PCDHB6: variants seen among roughly 807,000 people sequenced by gnomAD.
PCDHB6 encodes protocadherin beta-6.
For missense variants in PCDHB6, 1,137 were observed against 1,010.1 expected, an observed-to-expected ratio of 1.13 and a Z score of -1.70; for synonymous variants, 506 against 459.0, an observed-to-expected ratio of 1.10 and a Z score of -1.31.
rs1752861212 is a variant in PCDHB6, at chr5:141,151,474, C to A, written c.1217C>A (p.Ala406Glu). ...ENFYTLVTEG[A>E]LDRESRAEYN... ...TTCTACACCCTGGTAACAGAAGGCG[C>A]GCTGGACAGAGAGAGCAGAGCCGAG... Residue 406 changes from alanine (A) to glutamate (E), a missense_variant, in exon 1 of 1, where the codon GCG (alanine) becomes GAG (glutamate). Ala to Glu is a moderately radical substitution (Grantham distance 107). Transcript: ENST00000231136. 1 of 1,614,192 alleles carries A rather than the reference C, an allele frequency of 6.2e-7. No individual in the cohort carries two copies. Among genetic ancestry groups the A allele is most frequent in the Non-Finnish European group, 8.5e-7 (1 of 1,180,034 alleles).
Position 141,150,742 on chromosome 5 carries a change from G to C in PCDHB6, c.485G>C (p.Gly162Ala). 6.2e-7 allele frequency: 1 copy of C among 1,614,144 alleles called. No individual in the cohort carries two copies. Among genetic ancestry groups the C allele is most frequent in the Non-Finnish European group, 8.5e-7 (1 of 1,180,022 alleles). The part of the protein sequence containing the change: ...PLKMAHDLDT[G>A]SNGLQRYTIS... Reference sequence around the variant, plus strand: ...AAAATGGCACACGATTTAGACACCGGCAGCAACGGCCTTCAGAGGTACACA... The same window carrying C: ...AAAATGGCACACGATTTAGACACCGCCAGCAACGGCCTTCAGAGGTACACA... The change falls in exon 1 of 1, where the codon GGC (glycine) becomes GCC (alanine). Residue 162 changes from glycine to alanine, a missense_variant. Physicochemically the swap from Gly to Ala is moderately conservative, Grantham distance 60. Transcript: ENST00000231136.
Position 141,152,160 on chromosome 5 carries a change from AAGCAC to A in PCDHB6, c.1906_1910del (p.His636AlafsTer36). 6.2e-7 allele frequency: 1 copy of A among 1,608,334 alleles called. No homozygotes were observed. The highest frequency in any genetic ancestry group is 8.5e-7 in the Non-Finnish European group (1 of 1,179,712). ...GCTGCTGAGCGAGCGAGACGCAGCC[AAGCAC>A]AGGCTGGTGGTGCTTGTCAAGGACA... On this transcript the variant is annotated frameshift_variant, in exon 1 of 1. Transcript: ENST00000231136. LOFTEE classifies it low-confidence loss of function (END_TRUNC).
Position 141,150,459 on chromosome 5 carries a change from A to G in PCDHB6, c.202A>G (p.Lys68Glu). 2 of 1,614,154 alleles carry G rather than the reference A, an allele frequency of 1.2e-6. No individual in the cohort carries two copies. The highest frequency in any genetic ancestry group is 1.7e-6 in the Non-Finnish European group (2 of 1,180,034). ...TTCGCGGGGCGCTCGGGTTGTTTTC[A>G]AAGGGAACAGACAACATTTGCAGTT... ...LASRGARVVF[K>E]GNRQHLQFDP... Residue 68 changes from lysine (K) to glutamate (E), a missense_variant, in exon 1 of 1, where the codon AAA becomes GAA. Lys to Glu is a moderately conservative substitution (Grantham distance 56). Coordinates refer to ENST00000231136, the MANE Select transcript of PCDHB6 (RefSeq NM_018939.4).
In PCDHB6 at chr5:141,151,497, G is replaced by A. The variant is rs1417569357; in HGVS notation, c.1240G>A (p.Glu414Lys). Residue 414 changes from glutamate to lysine, a missense_variant, in exon 1 of 1, where the codon GAG becomes AAG. Glu to Lys is a moderately conservative substitution (Grantham distance 56). Coordinates refer to ENST00000231136, the MANE Select transcript of PCDHB6 (RefSeq NM_018939.4). Reference protein sequence around the residue: ...EGALDRESRAEYNITITVTDL... With the variant: ...EGALDRESRAKYNITITVTDL... ...CGCGCTGGACAGAGAGAGCAGAGCC[G>A]AGTACAACATCACTATCACGGTCAC... 6.2e-7 allele frequency: 1 copy of A among 1,614,060 alleles called. No homozygotes were observed. Among genetic ancestry groups the A allele is most frequent in the East Asian group, 2.2e-5 (1 of 44,892 alleles).
rs1563894888 is a variant in PCDHB6, at chr5:141,152,607, AC to A, written c.2355del (p.Thr786ProfsTer28). 6.2e-7 allele frequency: 1 copy of A among 1,607,518 alleles called. No homozygotes were observed. The highest frequency in any genetic ancestry group is 1.7e-5 in the Admixed American group (1 of 59,492). On this transcript the variant is annotated frameshift_variant, in exon 1 of 1. Transcript: ENST00000231136. LOFTEE classifies it low-confidence loss of function (END_TRUNC). ...GGGCACTGAGAGAGAAATGGAAGAAACCCCCACCTCTCGGAATAGCTTCCCG... is the reference window on the plus strand; with the variant it reads ...GGGCACTGAGAGAGAAATGGAAGAAACCCCACCTCTCGGAATAGCTTCCCG... ...PQGTEREMEE[T>X]PTSRNSFPFS
Position 141,151,861 on chromosome 5 carries a change from G to T in PCDHB6, c.1604G>T (p.Gly535Val). Residue 535 changes from glycine to valine, a missense_variant, in exon 1 of 1, where the codon GGC becomes GTC. Transcript: ENST00000231136. ...TTCCGCGTGGGCGCCACAGACCGCGGCTCCCCGGCGTTGAGCAGCGAGGCG... is the reference window on the plus strand; with the variant it reads ...TTCCGCGTGGGCGCCACAGACCGCGTCTCCCCGGCGTTGAGCAGCGAGGCG... ...FEFRVGATDR[G>V]SPALSSEALV... 6.2e-7 allele frequency: 1 copy of T among 1,612,292 alleles called. No homozygotes were observed. The highest frequency in any genetic ancestry group is 1.1e-5 in the South Asian group (1 of 90,992).
In PCDHB6 at chr5:141,150,454, T is replaced by C. The variant is rs1354634510; in HGVS notation, c.197T>C (p.Val66Ala). The C allele has an allele frequency of 2.5e-6, 4 of 1,613,954 alleles. No individual in the cohort carries two copies. The highest frequency in any genetic ancestry group is 3.4e-6 in the Non-Finnish European group (4 of 1,180,038). The change falls in exon 1 of 1, where the codon GTT (valine) becomes GCT (alanine). Residue 66 changes from valine to alanine, a missense_variant. Coordinates refer to ENST00000231136, the MANE Select transcript of PCDHB6 (RefSeq NM_018939.4). The stretch of plus-strand genomic sequence containing the variant: ...CTGGCTTCGCGGGGCGCTCGGGTTG[T>C]TTTCAAAGGGAACAGACAACATTTG... Reference protein sequence around the residue: ...GELASRGARVVFKGNRQHLQF... With the variant: ...GELASRGARVAFKGNRQHLQF...
rs1333037818 is a variant in PCDHB6 at position 141,153,252 on chromosome 5, A to G, written c.*610A>G. ...TTTTAAAAAAAAAGTCGTGCCAATT[A>G]TAAGTGCTTAATAAATATTTGCTGA... On this transcript the variant is annotated 3_prime_UTR_variant, in exon 1 of 1. Transcript: ENST00000231136. 1.2e-5 allele frequency: 2 copies of G among 165,480 alleles called. No individual in the cohort carries two copies. Among genetic ancestry groups the G allele is most frequent in the African/African-American group, 4.8e-5 (2 of 41,384 alleles). The allele number at this position is 165,480 out of a possible 1,614,324, so 10.3% of individuals were successfully genotyped here.
At position 141,150,646 on chromosome 5, in the gene PCDHB6, C is replaced by T; in HGVS notation, c.389C>T (p.Pro130Leu). Residue 130 changes from proline (P) to leucine (L), a missense_variant, in exon 1 of 1, where the codon CCG becomes CTG. Pro to Leu is a moderately conservative substitution (Grantham distance 98). Coordinates refer to ENST00000231136, the MANE Select transcript of PCDHB6 (RefSeq NM_018939.4). ...GTCAGAGATATAAATGACCACGCCCCGGAATTCCCTGCCAGAGAAATGCTC... is the reference window on the plus strand; with the variant it reads ...GTCAGAGATATAAATGACCACGCCCTGGAATTCCCTGCCAGAGAAATGCTC... ...LRVRDINDHA[P>L]EFPAREMLLK... is the part of the protein sequence containing the mutation. 2 of 1,614,066 alleles carry T rather than the reference C, an allele frequency of 1.2e-6. No individual in the cohort carries two copies. Among genetic ancestry groups the T allele is most frequent in the East Asian group, 2.2e-5 (1 of 44,880 alleles).
Position 141,152,729 on chromosome 5 carries a change from C to T in PCDHB6, c.*87C>T. On this transcript the variant is annotated 3_prime_UTR_variant, in exon 1 of 1. Coordinates refer to ENST00000231136, the MANE Select transcript of PCDHB6 (RefSeq NM_018939.4). ...ATGGTCTGTTTCTTGTTTATTTTAC[C>T]TCTATTCTTTAGGTTGAAATTTTAT... 2 of 1,230,260 alleles carry T rather than the reference C, an allele frequency of 1.6e-6. No homozygotes were observed. The highest frequency in any genetic ancestry group is 2.2e-6 in the Non-Finnish European group (2 of 897,986). 76.2% of individuals were successfully genotyped at this position (1,230,260 alleles called of 1,614,324 possible). A position where few individuals can be genotyped will look rare whatever the true frequency, so the allele number is the denominator to read the frequency against.
rs782136834 is a variant in PCDHB6 at position 141,152,122 on chromosome 5, T to G, written c.1865T>G (p.Val622Gly). 7.6e-5 allele frequency: 122 copies of G among 1,606,978 alleles called. 1 individual carries two copies. Among genetic ancestry groups the G allele is most frequent in the Non-Finnish European group, 9.4e-5 (111 of 1,179,690 alleles). ...LFGVWAHNGE[V>G]RTARLLSERD... ...GGCGTGTGGGCGCACAATGGCGAGGTGCGCACCGCCAGGCTGCTGAGCGAG... is the reference window on the plus strand; with the variant it reads ...GGCGTGTGGGCGCACAATGGCGAGGGGCGCACCGCCAGGCTGCTGAGCGAG... The change falls in exon 1 of 1, where the codon GTG becomes GGG. Residue 622 changes from valine (V) to glycine (G), a missense_variant. Coordinates refer to ENST00000231136, the MANE Select transcript of PCDHB6 (RefSeq NM_018939.4).
chr5:141,152,565 C>T lies in PCDHB6; in HGVS notation c.2308C>T (p.Pro770Ser). 1 of 1,613,996 alleles carries T rather than the reference C, an allele frequency of 6.2e-7. No homozygotes were observed. Among genetic ancestry groups the T allele is most frequent in the Non-Finnish European group, 8.5e-7 (1 of 1,179,992 alleles). Residue 770 changes from proline (P) to serine (S), a missense_variant, in exon 1 of 1, where the codon CCC (proline) becomes TCC (serine). By Grantham distance (74) the Pro-to-Ser change is moderately conservative (BLOSUM62 -1). Transcript: ENST00000231136. Reference sequence around the variant, plus strand: ...GTTCAAGTTCCTGAAGCCGATTATGCCCAACTTCCCTCCTCAGGGCACTGA... The same window carrying T: ...GTTCAAGTTCCTGAAGCCGATTATGTCCAACTTCCCTCCTCAGGGCACTGA... ...NEFKFLKPIMPNFPPQGTERE... is the reference protein window; with the variant it reads ...NEFKFLKPIMSNFPPQGTERE...
At position 141,150,591 on chromosome 5, in the gene PCDHB6, C is replaced by G; in HGVS notation, c.334C>G (p.Pro112Ala). 2 of 1,614,100 alleles carry G rather than the reference C, an allele frequency of 1.2e-6. No homozygotes were observed. Among genetic ancestry groups the G allele is most frequent in the South Asian group, 2.2e-5 (2 of 91,078 alleles). ...VLPFQVLLENPLQFFQASLRV... is the reference protein window; with the variant it reads ...VLPFQVLLENALQFFQASLRV... The stretch of plus-strand genomic sequence containing the variant: ...ACCTTTCCAAGTGTTACTGGAAAAC[C>G]CCTTGCAGTTTTTTCAGGCTTCCTT... The change falls in exon 1 of 1, where the codon CCC becomes GCC. Residue 112 changes from proline (P) to alanine (A), a missense_variant. Physicochemically the swap from Pro to Ala is conservative, Grantham distance 27. Coordinates refer to ENST00000231136, the MANE Select transcript of PCDHB6 (RefSeq NM_018939.4).
At position 141,151,677 on chromosome 5, in the gene PCDHB6, A is replaced by G. The variant is rs201339779; in HGVS notation, c.1420A>G (p.Thr474Ala). 184 of 1,613,284 alleles carry G rather than the reference A, an allele frequency of 1.1e-4. No individual in the cohort carries two copies. In the East Asian group the frequency reaches 3.7e-3, roughly 32 times the overall value. Residue 474 changes from threonine to alanine, a missense_variant, in exon 1 of 1, where the codon ACA (threonine) becomes GCA (alanine). Physicochemically the swap from Thr to Ala is moderately conservative, Grantham distance 58 (BLOSUM62 0). Coordinates refer to ENST00000231136, the MANE Select transcript of PCDHB6 (RefSeq NM_018939.4). ...CCTGCACATCGGCAGCGTCAGCGCC[A>G]CAGACAGAGACTCAGGCATCAACGC... ...PALHIGSVSA[T>A]DRDSGINAQV... is the part of the protein sequence containing the mutation.
Position 141,151,718 on chromosome 5 carries a change from G to C in PCDHB6, c.1461G>C (p.Ser487=), listed in dbSNP as rs782426060. 1.9e-5 allele frequency: 30 copies of C among 1,612,986 alleles called. No individual in the cohort carries two copies. Among genetic ancestry groups the C allele is most frequent in the South Asian group, 8.8e-5 (8 of 91,034 alleles). ...GCATCAACGCCCAGGTCACCTACTC[G>C]CTGCTGCCGCCCCAGGACCCGCACC... ...DSGINAQVTY[S]LLPPQDPHLP... Residue 487 remains serine, a synonymous_variant, in exon 1 of 1, where the codon TCG becomes TCC. Coordinates refer to ENST00000231136, the MANE Select transcript of PCDHB6 (RefSeq NM_018939.4).
chr5:141,150,699 G>A lies in PCDHB6; in HGVS notation c.442G>A (p.Gly148Arg), dbSNP rs782783360. ...LLKISEITMPGKIFPLKMAHD... is the reference protein window; with the variant it reads ...LLKISEITMPRKIFPLKMAHD... ...GAAAATATCAGAAATTACTATGCCA[G>A]GAAAGATATTTCCTTTGAAAATGGC... The change falls in exon 1 of 1, where the codon GGA (glycine) becomes AGA (arginine). Residue 148 changes from glycine to arginine, a missense_variant. Coordinates refer to ENST00000231136, the MANE Select transcript of PCDHB6 (RefSeq NM_018939.4). 38 of 1,614,106 alleles carry A rather than the reference G, an allele frequency of 2.4e-5. No homozygotes were observed. Among genetic ancestry groups the A allele is most frequent in the Non-Finnish European group, 3.1e-5 (37 of 1,180,052 alleles).
Position 141,150,578 on chromosome 5 carries a change from G to A in PCDHB6, c.321G>A (p.Val107=), listed in dbSNP as rs1000901518. The change falls in exon 1 of 1, where the codon GTG becomes GTA. Residue 107 remains valine, a synonymous_variant. Transcript: ENST00000231136. ...AGCCGTGTGTGCTACCTTTCCAAGTGTTACTGGAAAACCCCTTGCAGTTTT... is the reference window on the plus strand; with the variant it reads ...AGCCGTGTGTGCTACCTTTCCAAGTATTACTGGAAAACCCCTTGCAGTTTT... ...STEPCVLPFQ[V]LLENPLQFFQ... is the part of the protein sequence containing the mutation. The A allele has an allele frequency of 1.9e-6, 3 of 1,614,124 alleles. No individual in the cohort carries two copies. The highest frequency in any genetic ancestry group is 3.3e-5 in the Admixed American group (2 of 60,022).
In PCDHB6 at chr5:141,152,240, GGACGGCTT is replaced by G; in HGVS notation, c.1984_1991del (p.Asp662LeufsTer9). On this transcript the variant is annotated frameshift_variant, in exon 1 of 1. Coordinates refer to ENST00000231136, the MANE Select transcript of PCDHB6 (RefSeq NM_018939.4). LOFTEE classifies it low-confidence loss of function (END_TRUNC). ...CCGCCACGCTGCACGTGCTCCTGGT[GGACGGCTT>G]CTCCCAGCCCTACCTGCCTCTCCCT... is the stretch of plus-strand genomic sequence containing the variant. 1 of 1,607,442 alleles carries G rather than the reference GGACGGCTT, an allele frequency of 6.2e-7. No individual in the cohort carries two copies. Among genetic ancestry groups the G allele is most frequent in the Non-Finnish European group, 8.5e-7 (1 of 1,179,756 alleles).
chr5:141,152,581 AG>A lies in PCDHB6; in HGVS notation c.2327del (p.Gly776AlafsTer38). ...CCGATTATGCCCAACTTCCCTCCTC[AG>A]GGCACTGAGAGAGAAATGGAAGAAA... is the stretch of plus-strand genomic sequence containing the variant. ...LKPIMPNFPP[Q>X]GTEREMEETP... On this transcript the variant is annotated frameshift_variant, in exon 1 of 1. Transcript: ENST00000231136. LOFTEE classifies it low-confidence loss of function (END_TRUNC). The A allele has an allele frequency of 6.2e-7, 1 of 1,613,246 alleles. No individual in the cohort carries two copies. Among genetic ancestry groups the A allele is most frequent in the Non-Finnish European group, 8.5e-7 (1 of 1,179,506 alleles).
Sources: allele counts gnomAD v4.1 joint callset, GRCh38; gene constraint gnomAD v4.1.1; transcripts MANE v1.5; gene names NCBI Gene and HGNC (gene_info 2026-07-23, HGNC 2026-07-21).